The following SHOC2 variants were observed in gnomAD, a reference collection of about 807,000 sequenced individuals.
SHOC2 encodes the protein SHOC2 leucine rich repeat scaffold protein, also known as leucine-rich repeat protein SHOC-2.
Under a neutral mutation model 50.2 loss-of-function variants are expected in SHOC2, and 4 were observed. That is an observed-to-expected ratio of 0.08 (90% CI 0.04 to 0.18). SHOC2 has a LOEUF of 0.18. Among genes scored for constraint, SHOC2 ranks in the 10% least tolerant of loss-of-function variants. The probability of loss-of-function intolerance (pLI) is 1.00; values close to 1 mark genes in which losing one functional copy is unlikely to be tolerated. For missense variants in SHOC2, 388 were observed against 669.6 expected, an observed-to-expected ratio of 0.58 and a Z score of 4.64; for synonymous variants, 218 against 244.5, an observed-to-expected ratio of 0.89 and a Z score of 1.01.
intron 1 of SHOC2, among the ~76,000 whole-genome samples, chr10:110,947,581 A>G (rs967009810): frequency 8.5e-5 from 13 of 152,356 alleles, no homozygotes; most frequent in Admixed American, 5.9e-4. Flanking sequence ...AAAAGATATA[A>G]GTTGTGTCCT....
chr10:110,923,721 C>A (rs766044325), intron 1 of SHOC2, among the ~76,000 whole-genome samples: 144 of 152,266 alleles, frequency 9.5e-4, no homozygotes, highest in Non-Finnish European at 1.5e-3. Context: ...TAAAACATTA[C>A]AGGAGACCTT....
At chr10:110,973,581 C>T (rs1478330418) in intron 2 of SHOC2, among the ~76,000 whole-genome samples, 2 of 151,928 alleles carry the variant, frequency 1.3e-5, no homozygotes, top group South Asian at 2.1e-4. Flanking sequence ...GTTTCTTCCT[C>T]TTTTATATTC....
chr10:110,932,628 G>C (rs1454362691), intron 1 of SHOC2, among the ~76,000 whole-genome samples: 2 of 152,048 alleles, frequency 1.3e-5, no homozygotes, highest in African/African-American at 4.8e-5. Flanking sequence ...CACCTTTTTT[G>C]GTTGATTCCT....
intron 1 of SHOC2, among the ~76,000 whole-genome samples, chr10:110,963,267 G>A (rs970034740): frequency 1.3e-5 from 2 of 151,846 alleles, no homozygotes; most frequent in East Asian, 1.9e-4. Context: ...CAATCTTTTC[G>A]GCCTGTCATT....
chr10:110,982,676 G>T (rs568240371), intron 2 of SHOC2, among the ~76,000 whole-genome samples: 1 of 152,048 alleles, frequency 6.6e-6, no homozygotes, highest in African/African-American at 2.4e-5. Flanking sequence ...GTCTGTTCAT[G>T]TCCTTTGCCC....
At chr10:110,997,842 CATTGTG>C (rs1437632908) in intron 3 of SHOC2, among the ~76,000 whole-genome samples, 2 of 152,044 alleles carry the variant, frequency 1.3e-5, no homozygotes, top group African/African-American at 4.8e-5. Flanking sequence ...TTTTCTATTA[CATTGTG>C]ATGCTTCCAA....
At chr10:110,994,554 T>TG (rs1848236927) in intron 3 of SHOC2, among the ~76,000 whole-genome samples, 1 of 152,146 alleles carries the variant, frequency 6.6e-6, no homozygotes, top group African/African-American at 2.4e-5. Context: ...ATGAAACACT[T>TG]TACAATGGTT....
At chr10:110,949,422 T>C (rs1847308732) in intron 1 of SHOC2, among the ~76,000 whole-genome samples, 1 of 152,070 alleles carries the variant, frequency 6.6e-6, no homozygotes, top group South Asian at 2.1e-4. Flanking sequence ...CCAGTGACTG[T>C]AAGGAGACTG....
At chr10:110,948,392 G>A (rs894246431) in intron 1 of SHOC2, among the ~76,000 whole-genome samples, 3 of 152,130 alleles carry the variant, frequency 2.0e-5, no homozygotes, top group South Asian at 2.1e-4. Flanking sequence ...CCAAATGGAC[G>A]TAACAGGCAT....
intron 1 of SHOC2, among the ~76,000 whole-genome samples, chr10:110,931,369 A>G (rs1027933146): frequency 4.6e-5 from 7 of 152,176 alleles, no homozygotes; most frequent in Admixed American, 6.5e-5. Context: ...TCTTTTGAGC[A>G]TGTTAATTGT....
intron 2 of SHOC2, among the ~76,000 whole-genome samples, chr10:110,985,154 C>G (rs531782640): frequency 6.6e-6 from 1 of 152,178 alleles, no homozygotes; most frequent in Non-Finnish European, 1.5e-5. Context: ...ATCACTTTTC[C>G]ATTTCCATTT....
intron 1 of SHOC2, among the ~76,000 whole-genome samples, chr10:110,935,945 C>T (rs961143932): frequency 1.1e-4 from 17 of 151,966 alleles, no homozygotes; most frequent in Admixed American, 1.1e-3. Flanking sequence ...TTGTTATTTT[C>T]GATAGTTTTT....
rs1378901885 is a variant in SHOC2 at position 111,012,170 on chromosome 10, T to C, written c.*352T>C. ...TAGGAAAAATAATGGGCAAAAATTT[T>C]TGTTGCAACTTTTCATATATATTTT... On this transcript the variant is annotated 3_prime_UTR_variant, in exon 9 of 9. Coordinates refer to ENST00000369452, the MANE Select transcript of SHOC2 (RefSeq NM_007373.4). The C allele has an allele frequency of 4.3e-6, 1 of 233,452 alleles. No individual in the cohort carries two copies. The highest frequency in any genetic ancestry group is 2.3e-5 in the African/African-American group (1 of 42,810). 14.5% of individuals were successfully genotyped at this position (233,452 alleles called of 1,614,324 possible).
intron 8 of SHOC2, among the ~76,000 whole-genome samples, chr10:111,010,607 A>G (rs1263688440): frequency 6.6e-6 from 1 of 152,144 alleles, no homozygotes; most frequent in African/African-American, 2.4e-5. Flanking sequence ...GGTGCAGCAC[A>G]CCACCATGGC....
At chr10:110,974,315 T>G (rs916915749) in intron 2 of SHOC2, among the ~76,000 whole-genome samples, 11 of 152,246 alleles carry the variant, frequency 7.2e-5, no homozygotes, top group African/African-American at 2.4e-4. Context: ...TTTCAGATTT[T>G]TTTTTTGCTT....
chr10:110,939,319 G>A (rs1049550939), intron 1 of SHOC2, among the ~76,000 whole-genome samples: 2 of 152,096 alleles, frequency 1.3e-5, no homozygotes, highest in African/African-American at 2.4e-5. Context: ...CTTGGGTCAA[G>A]CCATCCTCTC....
At chr10:110,981,540 T>C (rs892858587) in intron 2 of SHOC2, among the ~76,000 whole-genome samples, 1 of 152,226 alleles carries the variant, frequency 6.6e-6, no homozygotes, top group Non-Finnish European at 1.5e-5. Context: ...GACTTCAAAA[T>C]TTTTTATGTG....
chr10:110,924,751 G>A (rs928784711), intron 1 of SHOC2, among the ~76,000 whole-genome samples: 1 of 151,974 alleles, frequency 6.6e-6, no homozygotes, highest in African/African-American at 2.4e-5. Context: ...TAATTCCCAG[G>A]CTTAGAACTT....
chr10:110,994,456 G>A (rs554962990), intron 3 of SHOC2, among the ~76,000 whole-genome samples: 15 of 152,252 alleles, frequency 9.9e-5, no homozygotes, highest in African/African-American at 2.9e-4. Context: ...AAAGATACAT[G>A]TCTAGGGGTA....
Sources: gnomAD v4.1 joint callset for allele counts (sites outside exome capture counted in the v4.1 genomes callset) on GRCh38, gnomAD v4.1.1 for gene constraint, MANE v1.5 for transcripts, NCBI Gene and HGNC (gene_info 2026-07-23, HGNC 2026-07-21) for gene names.